Variants in KIF4A observed in about 807,000 individuals in gnomAD.
KIF4A encodes the protein kinesin family member 4A, also known as chromosome-associated kinesin KIF4A.
A neutral mutation model predicts 105.9 loss-of-function variants in KIF4A; 7 were observed. The observed-to-expected ratio is 0.07, with a 90% CI of 0.04 to 0.12. The LOEUF is 0.12. Ranked by LOEUF, KIF4A falls within the 10% of genes least tolerant of loss-of-function variation. The pLI is 1.00. For missense variants in KIF4A, 558 were observed against 929.2 expected (o/e 0.60, Z 5.19); for synonymous variants, 281 against 331.3 (o/e 0.85, Z 1.65).
chrX:70,395,891 G>A, intron 21 of KIF4A, 58 bp from the exon 22 acceptor site: 1 of 1,189,462 alleles, frequency 8.4e-7, no homozygotes, highest in Non-Finnish European at 1.1e-6. Context: ...AATCCTCATA[G>A]CTTTGGAGGA....
At position 70,329,509 on chromosome X, in the gene KIF4A, C is replaced by A. The variant is rs1382811680; in HGVS notation, c.883C>A (p.Arg295=). 10 of 1,203,775 alleles carry A rather than the reference C, an allele frequency of 8.3e-6. No homozygotes were observed. The highest frequency in any genetic ancestry group is 7.9e-6 in the Non-Finnish European group (7 of 890,468). ...GCCCTACAGAGATTCCAAGTTGACT[C>A]GACTGCTTCAAGGTAAGCCCAAAGT... The part of the protein sequence containing the change: ...FVPYRDSKLT[R]LLQDSLGGNS... The change falls in exon 8 of 31, where the codon CGA becomes AGA. Residue 295 remains arginine, a synonymous_variant. Transcript: ENST00000374403.
In KIF4A at chrX:70,375,353, T is replaced by C. The variant is rs1426008920; in HGVS notation, c.1923+5T>C. 8.3e-7 allele frequency: 1 copy of C among 1,207,135 alleles called. No individual in the cohort carries two copies. Among genetic ancestry groups the C allele is most frequent in the Non-Finnish European group, 1.1e-6 (1 of 891,870 alleles). The stretch of plus-strand genomic sequence containing the variant: ...AAACTGAACCAGGAGATACGGGTAA[T>C]AAATTCTCATCCTTGCATTTACCCC... On this transcript the variant is annotated splice_donor_5th_base_variant and intron_variant, in intron 17 of 30. Coordinates refer to ENST00000374403, the MANE Select transcript of KIF4A (RefSeq NM_012310.5).
chrX:70,333,743 T>A (rs1602752921), intron 10 of KIF4A, 54 bp downstream of exon 10: 1 of 869,656 alleles, frequency 1.1e-6, no homozygotes, highest in East Asian at 3.1e-5. Context: ...CTATTTTTCC[T>A]AATAATAGTT....
At chrX:70,367,317 C>T (rs2086108723) in intron 15 of KIF4A, among the ~76,000 whole-genome samples, 1 of 111,291 alleles carries the variant, frequency 9.0e-6, no homozygotes, top group African/African-American at 3.3e-5. Context: ...TTATTTTGCT[C>T]GTTAGTTGAT....
chrX:70,417,149 T>C (rs2086347470), intron 28 of KIF4A, among the ~76,000 whole-genome samples: 2 of 112,895 alleles, frequency 1.8e-5, no homozygotes, highest in African/African-American at 6.4e-5. Flanking sequence ...TCTTTGTCGG[T>C]TGCCTTGCAT....
At chrX:70,372,828 T>C (rs1487874446) in intron 15 of KIF4A, among the ~76,000 whole-genome samples, 2 of 113,215 alleles carry the variant, frequency 1.8e-5, no homozygotes, top group African/African-American at 3.2e-5. Flanking sequence ...TTTTATCTTA[T>C]TTGATCTTCC....
At chrX:70,363,479 G>A (rs1157057545) in intron 15 of KIF4A, among the ~76,000 whole-genome samples, 3 of 111,063 alleles carry the variant, frequency 2.7e-5, no homozygotes, top group Non-Finnish European at 5.7e-5. Flanking sequence ...CCACCTATGA[G>A]TGAGAATATG....
chrX:70,339,964 A>G lies in KIF4A; in HGVS notation c.1134-1835A>G, dbSNP rs185497364. Among the ~76,000 whole-genome samples the G allele has an allele frequency of 1.7e-3, 192 of 112,091 alleles. 3 individuals carry two copies. Among genetic ancestry groups the G allele is most frequent in the Admixed American group, 7.0e-3 (74 of 10,551 alleles). The stretch of plus-strand genomic sequence containing the variant: ...TATCACGTGGTCCTATAATATATCT[A>G]TAATCTTGCCAAGAACTCTTTTTTT... On this transcript the variant is annotated intron_variant, in intron 10 of 30. Coordinates refer to ENST00000374403, the MANE Select transcript of KIF4A (RefSeq NM_012310.5).
chrX:70,401,263 A>G (rs1476775419), intron 22 of KIF4A, among the ~76,000 whole-genome samples: 4 of 108,177 alleles, frequency 3.7e-5, no homozygotes, highest in Non-Finnish European at 7.6e-5. Context: ...TATTTTTAGT[A>G]GAGACAGGGT....
intron 20 of KIF4A, among the ~76,000 whole-genome samples, chrX:70,393,152 A>T (rs1024334308): frequency 9.0e-6 from 1 of 111,013 alleles, no homozygotes; most frequent in East Asian, 2.8e-4. Context: ...TCAATTCAAA[A>T]TACATTCTAA....
rs1269547714 is a variant in KIF4A at position 70,375,259 on chromosome X, C to T, written c.1834C>T (p.Leu612=). The T allele has an allele frequency of 1.7e-6, 2 of 1,211,108 alleles. No homozygotes were observed. Among genetic ancestry groups the T allele is most frequent in the Non-Finnish European group, 2.2e-6 (2 of 895,139 alleles). ...LQELEGQIAD[L]KKKLNEQSKL... ...GGAGCTGGAGGGTCAAATTGCTGAT[C>T]TGAAGAAGAAACTGAATGAGCAGTC... Residue 612 remains leucine, a synonymous_variant, in exon 17 of 31, where the codon CTG becomes TTG. Coordinates refer to ENST00000374403, the MANE Select transcript of KIF4A (RefSeq NM_012310.5).
At chrX:70,417,859 A>T (rs749125764) in intron 28 of KIF4A, 29 bp from the exon 29 acceptor site, 1 of 1,117,952 alleles carries the variant, frequency 8.9e-7, no homozygotes, top group East Asian at 3.0e-5. Context: ...CCTTTCAGTA[A>T]TGTGTCTTTC....
intron 10 of KIF4A, 59 bp from the exon 11 acceptor site, chrX:70,341,740 C>A: frequency 9.0e-7 from 1 of 1,117,275 alleles, no homozygotes; most frequent in Non-Finnish European, 1.2e-6. Context: ...TTTTATCCAC[C>A]TTTGATATAG....
At chrX:70,309,209 C>T (rs1165204043) in intron 7 of KIF4A, among the ~76,000 whole-genome samples, 2 of 112,217 alleles carry the variant, frequency 1.8e-5, no homozygotes, top group Non-Finnish European at 3.8e-5. Flanking sequence ...ACTCTACCTA[C>T]AAAATATGAT....
intron 28 of KIF4A, chrX:70,415,374 C>A: frequency 7.6e-6 from 2 of 261,976 alleles, no homozygotes; most frequent in Non-Finnish European, 1.4e-5. Flanking sequence ...CTTTGGGAGG[C>A]TGAGGCAAGA....
chrX:70,335,896 C>G (rs1283605126), intron 10 of KIF4A, among the ~76,000 whole-genome samples: 4 of 111,525 alleles, frequency 3.6e-5, no homozygotes, highest in Non-Finnish European at 5.7e-5. Context: ...ATGTCATTCC[C>G]TCTCCATCCC....
intron 3 of KIF4A, among the ~76,000 whole-genome samples, chrX:70,291,851 A>G (rs1319479154): frequency 8.9e-6 from 1 of 111,772 alleles, no homozygotes; most frequent in Admixed American, 9.5e-5. Flanking sequence ...TAATTATGTT[A>G]TAAAGATCTT....
intron 22 of KIF4A, among the ~76,000 whole-genome samples, chrX:70,401,819 C>T (rs948588594): frequency 8.9e-6 from 1 of 111,887 alleles, no homozygotes. Flanking sequence ...CCTGAAACCC[C>T]AAAATTTGAG....
chrX:70,389,935 A>T (rs1196803559), intron 20 of KIF4A, among the ~76,000 whole-genome samples: 1 of 112,319 alleles, frequency 8.9e-6, no homozygotes, highest in Non-Finnish European at 1.9e-5. Flanking sequence ...TTGGATTAAG[A>T]TTGCATAGAA....
Sources: allele counts gnomAD v4.1 joint callset (sites outside exome capture counted in the v4.1 genomes callset), GRCh38; gene constraint gnomAD v4.1.1; transcripts MANE v1.5; gene names NCBI Gene and HGNC (gene_info 2026-07-23, HGNC 2026-07-21).